The following RFC3 variants were observed in gnomAD, a reference collection of about 807,000 sequenced individuals.
RFC3 encodes the protein replication factor C subunit 3.
In RFC3, 41 loss-of-function variants were observed where a neutral mutation model predicts 45.1. That is an observed-to-expected ratio of 0.91 (90% CI 0.71 to 1.18). RFC3 has a LOEUF of 1.18. Ranked by LOEUF, RFC3 falls within the 50% of genes most tolerant of loss-of-function variation. The pLI is 0.00. For synonymous variants in RFC3, 149 were observed against 144.0 expected (o/e 1.03, Z -0.25); for missense variants, 423 against 428.1 (o/e 0.99, Z 0.10).
intron 8 of RFC3, among the ~76,000 whole-genome samples, chr13:33,927,776 G>T (rs2082823586): frequency 6.6e-6 from 1 of 152,078 alleles, no homozygotes; most frequent in Non-Finnish European, 1.5e-5. Flanking sequence ...CCTGGTGTGT[G>T]GGTGACTTCT....
intron 8 of RFC3, among the ~76,000 whole-genome samples, chr13:33,852,286 G>C (rs1811035583): frequency 6.6e-6 from 1 of 152,152 alleles, no homozygotes; most frequent in Non-Finnish European, 1.5e-5. Context: ...TCTTTGAGAA[G>C]AATCAGTGAA....
At chr13:33,922,657 T>C (rs1407311473) in intron 8 of RFC3, among the ~76,000 whole-genome samples, 7 of 152,272 alleles carry the variant, frequency 4.6e-5, no homozygotes, top group African/African-American at 1.4e-4. Flanking sequence ...TTTTAGTTTG[T>C]GCTGTTATGA....
At chr13:33,946,228 T>G (rs186202572) in intron 8 of RFC3, among the ~76,000 whole-genome samples, 151 of 152,294 alleles carry the variant, frequency 9.9e-4, no homozygotes, top group South Asian at 3.7e-3. Context: ...ACAGCACTGT[T>G]TTTTCCTTCC....
At chr13:33,839,730 T>C (rs1300573516), downstream of RFC3, among the ~76,000 whole-genome samples, 3 of 152,240 alleles carry the variant, frequency 2.0e-5, no homozygotes, top group Non-Finnish European at 4.4e-5. Flanking sequence ...AATTTCAGTC[T>C]GGCATCATTT....
At chr13:33,944,367 A>T (rs1040622516) in intron 8 of RFC3, among the ~76,000 whole-genome samples, 1 of 152,228 alleles carries the variant, frequency 6.6e-6, no homozygotes, top group Non-Finnish European at 1.5e-5. Flanking sequence ...AACGCTGCTC[A>T]TTATATGTGT....
Position 33,832,915 on chromosome 13 carries a change from A to G in RFC3, c.809+1561A>G, listed in dbSNP as rs1006557490. ...AATTATCACGTGCTTTTATAAAACT[A>G]CTTGATTATTCCTTTGCTTAATTCT... On this transcript the variant is annotated intron_variant, in intron 7 of 8. Transcript: ENST00000380071. 3.3e-5 allele frequency among the ~76,000 whole-genome samples: 5 copies of G among 152,290 alleles called. No homozygotes were observed. The East Asian group carries it at 9.6e-4, about 29-fold the overall frequency.
chr13:33,831,049 C>A (rs1451707777), intron 6 of RFC3, among the ~76,000 whole-genome samples, 194 bp downstream of exon 6: 1 of 152,086 alleles, frequency 6.6e-6, no homozygotes, highest in African/African-American at 2.4e-5. Context: ...ATAAGCAGTT[C>A]ACAATACGGT....
intron 8 of RFC3, among the ~76,000 whole-genome samples, chr13:33,876,034 C>T (rs1026264567): frequency 5.9e-5 from 9 of 152,134 alleles, no homozygotes; most frequent in African/African-American, 2.2e-4. Flanking sequence ...TACTGATATC[C>T]GTTATCCTGG....
intron 8 of RFC3, among the ~76,000 whole-genome samples, chr13:33,896,448 GT>G (rs1416993827): frequency 6.6e-6 from 1 of 151,630 alleles, no homozygotes; most frequent in Non-Finnish European, 1.5e-5. Flanking sequence ...ATTTGGTCAG[GT>G]TTGGTGGCTC....
intron 8 of RFC3, among the ~76,000 whole-genome samples, chr13:33,953,729 G>C (rs1012507282): frequency 2.6e-5 from 4 of 152,020 alleles, no homozygotes; most frequent in African/African-American, 9.7e-5. Flanking sequence ...ATTTCCAGAC[G>C]TTTTTGGTTT....
intron 8 of RFC3, among the ~76,000 whole-genome samples, chr13:33,906,558 T>C (rs552516074): frequency 1.3e-5 from 2 of 152,076 alleles, no homozygotes; most frequent in Non-Finnish European, 2.9e-5. Flanking sequence ...TGTTTAACTG[T>C]TGACTTTTAT....
intron 8 of RFC3, among the ~76,000 whole-genome samples, chr13:33,920,733 G>A (rs1214895220): frequency 2.0e-5 from 3 of 151,980 alleles, no homozygotes; most frequent in Non-Finnish European, 4.4e-5. Context: ...ACTGCACCCA[G>A]CCAACCAAAC....
the RFC3 span, among the ~76,000 whole-genome samples, chr13:33,973,524 C>T: frequency 1.3e-4 from 20 of 152,246 alleles, no homozygotes; most frequent in Non-Finnish European, 4.4e-5. Context: ...GTGGGAGATA[C>T]TGAAAGGAAG....
At chr13:33,968,230 C>T (rs1018152595), downstream of RFC3, among the ~76,000 whole-genome samples, 2 of 152,124 alleles carry the variant, frequency 1.3e-5, no homozygotes, top group African/African-American at 2.4e-5. Flanking sequence ...TGGGTTCAAG[C>T]GATTCTCCTG....
chr13:33,903,483 T>C (rs761154835), intron 8 of RFC3, among the ~76,000 whole-genome samples: 1 of 152,146 alleles, frequency 6.6e-6, no homozygotes, highest in Non-Finnish European at 1.5e-5. Context: ...CTTGTAAGTT[T>C]ATGTAACTTA....
At position 33,818,249 on chromosome 13, in the gene RFC3, C is replaced by T. The variant is rs747242551; in HGVS notation, c.71C>T (p.Ala24Val). The change falls in exon 1 of 9, where the codon GCC (alanine) becomes GTC (valine). Residue 24 changes from alanine (A) to valine (V), a missense_variant. Ala to Val is a moderately conservative substitution (Grantham distance 64, BLOSUM62 0). Coordinates refer to ENST00000380071, the MANE Select transcript of RFC3 (RefSeq NM_002915.4). ...GRLDYHKEQA[A>V]QLRNLVQCGD... is the part of the protein sequence containing the mutation. ...CTGGACTATCACAAGGAGCAGGCGG[C>T]CCAGCTGCGGAACCTGGTGAGTCTG... The T allele has an allele frequency of 5.0e-6, 8 of 1,613,376 alleles. No individual in the cohort carries two copies. Among genetic ancestry groups the T allele is most frequent in the Non-Finnish European group, 5.9e-6 (7 of 1,179,828 alleles).
At position 33,881,615 on chromosome 13, in the gene RFC3, C is replaced by T. The variant is rs550594275; in HGVS notation, c.879+46398C>T. ...AGTTGTCTCCTCTCGGGGGCTATTT[C>T]GAGGGTCTATCATCATCAAGAGTCA... On this transcript the variant is annotated intron_variant, in intron 8 of 8. Coordinates refer to the RFC3 transcript ENST00000434425. Among the ~76,000 whole-genome samples, 8 of 152,114 alleles carry T rather than the reference C, an allele frequency of 5.3e-5. No homozygotes were observed. The South Asian group carries it at 1.0e-3, about 20-fold the overall frequency.
Position 33,825,726 on chromosome 13 carries a change from C to T in RFC3, c.294-63C>T, listed in dbSNP as rs145666278. The stretch of plus-strand genomic sequence containing the variant: ...AAATTTTGACCACTTAAGAACTTCA[C>T]CATTTTTCTTATAATAACAATATTA... On this transcript the variant is annotated intron_variant, in intron 3 of 8. Transcript: ENST00000380071. 2,088 of 872,542 alleles carry T rather than the reference C, an allele frequency of 2.4e-3. 9 individuals carry two copies. The highest frequency in any genetic ancestry group is 3.1e-3 in the Non-Finnish European group (1,886 of 600,696). 54.0% of individuals were successfully genotyped at this position (872,542 alleles called of 1,614,324 possible).
rs2082103323 is a variant in RFC3 at position 33,831,454 on chromosome 13, A to T, written c.809+100A>T. Reference sequence around the variant, plus strand: ...TAATGTCATTTTGAATTATAATTAAATCCTGAATCTATGTATTAACTTTTT... The same window carrying T: ...TAATGTCATTTTGAATTATAATTAATTCCTGAATCTATGTATTAACTTTTT... On this transcript the variant is annotated intron_variant, in intron 7 of 8. Coordinates refer to ENST00000380071, the MANE Select transcript of RFC3 (RefSeq NM_002915.4). The T allele has an allele frequency of 4.5e-6, 3 of 663,166 alleles. No individual in the cohort carries two copies. The South Asian group carries it at 5.9e-5, about 13-fold the overall frequency. 41.1% of individuals were successfully genotyped at this position (663,166 alleles called of 1,614,324 possible).
Sources: gnomAD v4.1 joint callset for allele counts (sites outside exome capture counted in the v4.1 genomes callset) on GRCh38, gnomAD v4.1.1 for gene constraint, MANE v1.5 for transcripts, NCBI Gene and HGNC (gene_info 2026-07-23, HGNC 2026-07-21) for gene names.